MMP28: variants seen among roughly 807,000 people sequenced by gnomAD.
MMP28 encodes the protein matrix metallopeptidase 28, also known as matrix metalloproteinase-28.
A neutral mutation model predicts 60.5 loss-of-function variants in MMP28; 55 were observed. The ratio of observed to expected loss-of-function variants is 0.91; its 90% confidence interval spans 0.73 to 1.14. The LOEUF (loss-of-function observed/expected upper bound fraction) is 1.14, where lower values mean the gene tolerates loss of function less well. Ranked by LOEUF, MMP28 falls within the 50% of genes most tolerant of loss-of-function variation. The pLI is 0.00. For missense variants in MMP28, 686 were observed against 738.3 expected (o/e 0.93, Z 0.82); for synonymous variants, 318 against 312.5 (o/e 1.02, Z -0.18).
rs750478027 is a variant in MMP28 at position 35,766,834 on chromosome 17, C to T, written c.1229G>A (p.Arg410Gln). ...KPVWGLPQLC[R>Q]AGGLPRHPDA... ...AGGATGGCGGGGCAGGCCCCCTGCCCGGCACAGCTGTGGGAGACCCCACAC... is the reference window on the plus strand; with the variant it reads ...AGGATGGCGGGGCAGGCCCCCTGCCTGGCACAGCTGTGGGAGACCCCACAC... The change falls in exon 8 of 8, where the codon CGG becomes CAG. Residue 410 changes from arginine to glutamine, a missense_variant. By Grantham distance (43) the Arg-to-Gln change is conservative. Coordinates refer to ENST00000605424, the MANE Select transcript of MMP28 (RefSeq NM_024302.5). This position sits in a 1 kb window ranked among gnomAD's most constrained non-coding sequence, Gnocchi z 4.3. The T allele has an allele frequency of 3.8e-5, 60 of 1,576,610 alleles. No homozygotes were observed. The highest frequency in any genetic ancestry group is 1.6e-4 in the South Asian group (14 of 85,860).
At chr17:35,773,525 G>GA (rs2086235502) in intron 3 of MMP28, 121 bp from the exon 4 acceptor site, 1 of 903,578 alleles carries the variant, frequency 1.1e-6, no homozygotes, top group African/African-American at 1.7e-5. Flanking sequence ...TGACGGGGAA[G>GA]ACACAGTTTT....
At chr17:35,764,342 C>G (rs765704765), downstream of MMP28, 2 of 1,462,236 alleles carry the variant, frequency 1.4e-6, no homozygotes, top group African/African-American at 1.5e-5. Context: ...GCGCGCTCCT[C>G]GACCGGGGCA....
chr17:35,778,892 C>T lies in MMP28; in HGVS notation c.375G>A (p.Lys125=). The T allele has an allele frequency of 6.2e-7, 1 of 1,614,064 alleles. No homozygotes were observed. The highest frequency in any genetic ancestry group is 8.5e-7 in the Non-Finnish European group (1 of 1,179,906). Residue 125 remains lysine, a synonymous_variant, in exon 3 of 8, where the codon AAG becomes AAA. Coordinates refer to ENST00000605424, the MANE Select transcript of MMP28 (RefSeq NM_024302.5). ...TKMRRKKRFA[K]QGNKWYKQHL... ...CCGGATTTTAACAGTGCTCACCTTG[C>T]TTTGCAAAGCGTTTCTTACGCCTCA...
chr17:35,778,604 T>C, intron 3 of MMP28: 5 of 561,480 alleles, frequency 8.9e-6, no homozygotes, highest in Middle Eastern at 4.8e-4. Context: ...CAACAGTTTA[T>C]CTGCCCTGCA....
chr17:35,765,677 C>T (rs561443626), downstream of MMP28, among the ~76,000 whole-genome samples: 1 of 152,344 alleles, frequency 6.6e-6, no homozygotes, highest in African/African-American at 2.4e-5. Context: ...CTCCATCTGG[C>T]CTGGAGCTGC....
At chr17:35,768,734 C>T (rs1322228781) in intron 5 of MMP28, among the ~76,000 whole-genome samples, 5 of 152,066 alleles carry the variant, frequency 3.3e-5, no homozygotes, top group Non-Finnish European at 4.4e-5. Flanking sequence ...CGCTTGAATC[C>T]GAGAGGTGGA....
intron 1 of MMP28, among the ~76,000 whole-genome samples, chr17:35,794,099 A>C (rs1163082146): frequency 6.6e-6 from 1 of 152,018 alleles, no homozygotes; most frequent in African/African-American, 2.4e-5. Flanking sequence ...CTCTGTCTCA[A>C]AACAAAAACA....
Position 35,766,339 on chromosome 17 carries a change from A to G in MMP28, c.*161T>C, listed in dbSNP as rs2085936507. ...TGGGGACAGACAAAGACAATGCTGC[A>G]TTCTTCAAGGAACAAAGGCAGACAG... On this transcript the variant is annotated 3_prime_UTR_variant, in exon 8 of 8. Transcript: ENST00000605424. The surrounding 1 kb of genome is among the most constrained non-coding windows in gnomAD (Gnocchi z 4.3). 41 of 1,416,252 alleles carry G rather than the reference A, an allele frequency of 2.9e-5. No homozygotes were observed. In the South Asian group the frequency reaches 5.4e-4, roughly 19 times the overall value. 87.7% of individuals were successfully genotyped at this position (1,416,252 alleles called of 1,614,324 possible).
intron 1 of MMP28, among the ~76,000 whole-genome samples, chr17:35,788,189 ATGAGCCAT>A (rs2086710793): frequency 6.6e-6 from 1 of 152,278 alleles, no homozygotes. Flanking sequence ...TACAGCCATC[ATGAGCCAT>A]TGTGGCCAGC....
intron 1 of MMP28, 25 bp from the exon 2 acceptor site, chr17:35,779,348 T>C: frequency 6.3e-7 from 1 of 1,590,920 alleles, no homozygotes; most frequent in Non-Finnish European, 8.6e-7. Flanking sequence ...AATATCTGCT[T>C]TTTCCATAGC....
intron 3 of MMP28, 173 bp downstream of exon 3, chr17:35,778,715 T>A (rs2086404247): frequency 2.1e-6 from 3 of 1,396,150 alleles, no homozygotes; most frequent in Admixed American, 2.6e-5. Context: ...GAATTAAATG[T>A]CTGTATTCAC....
At chr17:35,786,699 CAA>C (rs200165337) in intron 1 of MMP28, among the ~76,000 whole-genome samples, 14 of 71,024 alleles carry the variant, frequency 2.0e-4, no homozygotes, top group South Asian at 5.0e-4. Flanking sequence ...CCTGTCTCTA[CAA>C]AAAAAAAAAA....
intron 3 of MMP28, among the ~76,000 whole-genome samples, chr17:35,774,191 G>C (rs1020901252): frequency 6.6e-6 from 1 of 152,210 alleles, no homozygotes; most frequent in African/African-American, 2.4e-5. Flanking sequence ...TCTTACCCCA[G>C]CCCCCGTCAA....
Position 35,779,038 on chromosome 17 carries a change from C to G in MMP28, c.229G>C (p.Val77Leu). 2 of 1,614,044 alleles carry G rather than the reference C, an allele frequency of 1.2e-6. No homozygotes were observed. Among genetic ancestry groups the G allele is most frequent in the Non-Finnish European group, 1.7e-6 (2 of 1,179,896 alleles). The change falls in exon 3 of 8, where the codon GTG (valine) becomes CTG (leucine). Residue 77 changes from valine (V) to leucine (L), a missense_variant. Transcript: ENST00000605424. ...TGGCGCAGGGTGGCGCGGTCCAACA[C>G]GCCGCTGACAGGTAGCTGGGACACC... is the stretch of plus-strand genomic sequence containing the variant. ...QWVSQLPVSG[V>L]LDRATLRQMT... is the part of the protein sequence containing the mutation.
At chr17:35,765,486 T>G (rs538128527), downstream of MMP28, among the ~76,000 whole-genome samples, 2 of 152,358 alleles carry the variant, frequency 1.3e-5, no homozygotes, top group East Asian at 3.9e-4. Context: ...CCAGCTATTC[T>G]TGGCCAGACA....
intron 1 of MMP28, among the ~76,000 whole-genome samples, chr17:35,784,360 CAT>C (rs113348033): frequency 0.035 from 5,273 of 151,530 alleles, 321 homozygotes; most frequent in African/African-American, 0.12. Context: ...TTATGCTTAA[CAT>C]GTGTATATTC....
At chr17:35,758,953 G>A (rs927227504) in intron 2 of MMP28, among the ~76,000 whole-genome samples, 1 of 152,126 alleles carries the variant, frequency 6.6e-6, no homozygotes, top group Non-Finnish European at 1.5e-5. Context: ...CTTTGAACAG[G>A]CTCACTGGTT....
intron 5 of MMP28, among the ~76,000 whole-genome samples, chr17:35,768,608 T>C (rs1481681903): frequency 6.6e-6 from 1 of 152,174 alleles, no homozygotes; most frequent in East Asian, 1.9e-4. Flanking sequence ...GGTTAGGAGT[T>C]TGAGACCAGC....
intron 2 of MMP28, chr17:35,758,425 C>A (rs2085764253): frequency 6.6e-6 from 1 of 152,202 alleles, no homozygotes; most frequent in African/African-American, 2.4e-5. Context: ...GGCATGGTGG[C>A]TCACACCTGT....
Sources: allele counts gnomAD v4.1 joint callset (sites outside exome capture counted in the v4.1 genomes callset), GRCh38; gene constraint gnomAD v4.1.1; non-coding constraint Gnocchi (gnomAD v3.1); transcripts MANE v1.5; gene names NCBI Gene and HGNC (gene_info 2026-07-23, HGNC 2026-07-21).